The following ESR1 variants were observed in gnomAD, a reference collection of about 807,000 sequenced individuals.
ESR1 encodes the protein estrogen receptor.
ESR1 carries 12 observed loss-of-function variants against 52.7 expected under a neutral mutation model. The ratio of observed to expected loss-of-function variants is 0.23; its 90% confidence interval spans 0.15 to 0.37. The LOEUF is 0.37. ESR1 is among the 10% of genes least tolerant of loss of function. ESR1 has a pLI of 1.00. For missense variants in ESR1, 584 were observed against 779.7 expected, an observed-to-expected ratio of 0.75 and a Z score of 2.99; for synonymous variants, 305 against 316.8, an observed-to-expected ratio of 0.96 and a Z score of 0.39.
chr6:151,687,058 T>C (rs1051287380), upstream of ESR1, among the ~76,000 whole-genome samples: 2 of 152,212 alleles, frequency 1.3e-5, no homozygotes, highest in African/African-American at 4.8e-5. Context: ...CCTTTGCGGC[T>C]CATGACCTCA....
chr6:152,022,543 C>T (rs1462157092), intron 5 of ESR1, among the ~76,000 whole-genome samples: 1 of 152,076 alleles, frequency 6.6e-6, no homozygotes, highest in African/African-American at 2.4e-5. Flanking sequence ...ATCCAAAGGC[C>T]TGAGGTCAAG....
At chr6:151,726,225 C>G (rs960696600) in intron 2 of ESR1, among the ~76,000 whole-genome samples, 6 of 152,078 alleles carry the variant, frequency 3.9e-5, no homozygotes, top group African/African-American at 1.4e-4. Flanking sequence ...CCCTGTTTAA[C>G]TTTTCTTTAT....
intron 5 of ESR1, among the ~76,000 whole-genome samples, chr6:152,013,928 A>G (rs759527155): frequency 1.3e-5 from 2 of 151,972 alleles, no homozygotes; most frequent in Non-Finnish European, 2.9e-5. Flanking sequence ...TCCTCATCCA[A>G]ATCTCAAATT....
chr6:151,877,322 C>A (rs1188877152), intron 2 of ESR1, among the ~76,000 whole-genome samples: 1 of 152,134 alleles, frequency 6.6e-6, no homozygotes, highest in African/African-American at 2.4e-5. Flanking sequence ...GGAAAAAAAA[C>A]TACTTTGTTG....
At chr6:152,078,559 C>A (rs2048934938) in intron 6 of ESR1, among the ~76,000 whole-genome samples, 1 of 152,146 alleles carries the variant, frequency 6.6e-6, no homozygotes, top group Admixed American at 6.5e-5. Flanking sequence ...GAGATCGAAG[C>A]AGAAGGCAGG....
chr6:151,671,405 T>C (rs1262517160), intron 1 of ESR1, among the ~76,000 whole-genome samples: 1 of 152,156 alleles, frequency 6.6e-6, no homozygotes, highest in East Asian at 1.9e-4. Context: ...CTGGAGGACA[T>C]CGTGCTAAGT....
chr6:151,786,448 A>G (rs1449902497), intron 2 of ESR1, among the ~76,000 whole-genome samples: 2 of 152,114 alleles, frequency 1.3e-5, no homozygotes, highest in Non-Finnish European at 2.9e-5. Context: ...GACCCTTTTT[A>G]ATTTCATCTT....
At chr6:151,979,095 G>T (rs1039599827) in intron 4 of ESR1, among the ~76,000 whole-genome samples, 1 of 152,124 alleles carries the variant, frequency 6.6e-6, no homozygotes, top group Non-Finnish European at 1.5e-5. Context: ...TCTTTCTTGT[G>T]TCCAAACTTT....
intron 2 of ESR1, among the ~76,000 whole-genome samples, chr6:151,792,492 T>C (rs1776264818): frequency 6.6e-6 from 1 of 151,980 alleles, no homozygotes; most frequent in South Asian, 2.1e-4. Context: ...CAGGCTGGAG[T>C]GCAGTGGCAC....
At chr6:152,046,905 T>C (rs1166651875) in intron 5 of ESR1, among the ~76,000 whole-genome samples, 2 of 152,220 alleles carry the variant, frequency 1.3e-5, no homozygotes, top group Non-Finnish European at 2.9e-5. Context: ...GTTTCTTGCA[T>C]TGTTTGGCAT....
intron 2 of ESR1, among the ~76,000 whole-genome samples, chr6:151,755,399 A>G (rs1395142309): frequency 1.3e-5 from 2 of 152,034 alleles, no homozygotes; most frequent in Non-Finnish European, 2.9e-5. Flanking sequence ...CCTCTCTTCC[A>G]TGGGCTCATC....
intron 4 of ESR1, among the ~76,000 whole-genome samples, chr6:151,947,228 A>C (rs1220543142): frequency 6.6e-6 from 1 of 152,180 alleles, no homozygotes; most frequent in African/African-American, 2.4e-5. Context: ...TTGAGGTGGG[A>C]GAATTGCTTG....
intron 1 of ESR1, among the ~76,000 whole-genome samples, chr6:151,700,114 C>T (rs1441245844): frequency 6.6e-6 from 1 of 151,402 alleles, no homozygotes; most frequent in Admixed American, 6.6e-5. Context: ...AAGGTTGTTG[C>T]ATGTTTGTGC....
intron 4 of ESR1, among the ~76,000 whole-genome samples, chr6:151,984,423 G>C (rs1013669417): frequency 2.0e-5 from 3 of 152,086 alleles, no homozygotes; most frequent in Non-Finnish European, 4.4e-5. Context: ...CCAAACACTA[G>C]CAACAACTAA....
intron 1 of ESR1, among the ~76,000 whole-genome samples, chr6:151,816,018 T>C (rs1245809580): frequency 6.6e-6 from 1 of 152,200 alleles, no homozygotes; most frequent in African/African-American, 2.4e-5. Flanking sequence ...AATACGTGTT[T>C]GATAAGCTTT....
In ESR1 at chr6:152,098,676, C is replaced by G; in HGVS notation, c.1554-56C>G. ...CCTTCCCCTTCTAGGGATTTCAGCA[C>G]TCCTGGGGCTCGGGTTGGCTCTAAA... On this transcript the variant is annotated intron_variant, in intron 7 of 7. Coordinates refer to ENST00000206249, the MANE Select transcript of ESR1 (RefSeq NM_000125.4). The surrounding 1 kb of genome is among the most constrained non-coding windows in gnomAD (Gnocchi z 5.1). 1.4e-6 allele frequency: 2 copies of G among 1,427,856 alleles called. No homozygotes were observed. Among genetic ancestry groups the G allele is most frequent in the South Asian group, 2.4e-5 (2 of 84,952 alleles). 88.4% of individuals were successfully genotyped at this position (1,427,856 alleles called of 1,614,324 possible). A position where few individuals can be genotyped will look rare whatever the true frequency, so the allele number is the denominator to read the frequency against.
At chr6:151,671,761 A>T (rs1315789911) in intron 1 of ESR1, among the ~76,000 whole-genome samples, 1 of 151,940 alleles carries the variant, frequency 6.6e-6, no homozygotes, top group Non-Finnish European at 1.5e-5. Context: ...GGAGGCCGAG[A>T]TGGGCAGATC....
chr6:151,891,411 A>G (rs528656809), intron 3 of ESR1, among the ~76,000 whole-genome samples: 1 of 152,346 alleles, frequency 6.6e-6, no homozygotes, highest in Non-Finnish European at 1.5e-5. Flanking sequence ...TAAAATGCAG[A>G]ACTTTGGGGC....
chr6:151,806,160 G>T (rs1777798800), upstream of ESR1, among the ~76,000 whole-genome samples: 1 of 152,178 alleles, frequency 6.6e-6, no homozygotes, highest in African/African-American at 2.4e-5. Context: ...TATCTGCGAT[G>T]CACCTAATGT....
Sources: gnomAD v4.1 joint callset for allele counts (sites outside exome capture counted in the v4.1 genomes callset) on GRCh38, gnomAD v4.1.1 for gene constraint, Gnocchi (gnomAD v3.1) non-coding constraint, MANE v1.5 for transcripts, NCBI Gene and HGNC (gene_info 2026-07-23, HGNC 2026-07-21) for gene names.